Variants in COBLL1 observed in about 807,000 individuals in gnomAD.
COBLL1 encodes cordon-bleu protein-like 1.
A neutral mutation model predicts 94.8 loss-of-function variants in COBLL1; 50 were observed. That is an observed-to-expected ratio of 0.53 (90% CI 0.42 to 0.67). The LOEUF (loss-of-function observed/expected upper bound fraction) is 0.67. COBLL1 is among the 30% of genes least tolerant of loss of function. The pLI, the probability that COBLL1 is intolerant of heterozygous loss-of-function variation, is 0.00. For synonymous variants in COBLL1, 448 were observed against 473.8 expected (o/e 0.95, Z 0.71); for missense variants, 1,362 against 1,348.7 (o/e 1.01, Z -0.15).
At chr2:164,738,532 T>C (rs1686429807) in intron 3 of COBLL1, among the ~76,000 whole-genome samples, 1 of 152,150 alleles carries the variant, frequency 6.6e-6, no homozygotes, top group Non-Finnish European at 1.5e-5. Context: ...AAGTATAGCA[T>C]TTTCTGAGAA....
chr2:164,794,450 T>C (rs1341720397), intron 2 of COBLL1, among the ~76,000 whole-genome samples: 2 of 152,040 alleles, frequency 1.3e-5, no homozygotes, highest in Non-Finnish European at 2.9e-5. Flanking sequence ...TTCAGGTTAT[T>C]GCAGAGGGGA....
intron 2 of COBLL1, among the ~76,000 whole-genome samples, chr2:164,817,773 G>A (rs556302321): frequency 6.6e-6 from 1 of 152,222 alleles, no homozygotes. Context: ...GCCACCTGGT[G>A]GCTTCCACAG....
intron 2 of COBLL1, among the ~76,000 whole-genome samples, chr2:164,784,878 G>A (rs1251215556): frequency 6.6e-6 from 1 of 152,008 alleles, no homozygotes; most frequent in Non-Finnish European, 1.5e-5. Context: ...GTTTGACTGT[G>A]TCCTCCCTTT....
At chr2:164,833,347 C>T (rs887869587) in intron 2 of COBLL1, among the ~76,000 whole-genome samples, 1 of 152,178 alleles carries the variant, frequency 6.6e-6, no homozygotes, top group Admixed American at 6.5e-5. Context: ...GAGCAAGACC[C>T]TGTCTCAAAA....
At chr2:164,697,775 T>C (rs554859559) in intron 11 of COBLL1, 41 of 152,204 alleles carry the variant, frequency 2.7e-4, no homozygotes, top group African/African-American at 8.9e-4. Flanking sequence ...TTTCCAGTGA[T>C]TGGCAGTCCT....
At chr2:164,806,660 A>G (rs1559035203) in intron 2 of COBLL1, among the ~76,000 whole-genome samples, 1 of 152,052 alleles carries the variant, frequency 6.6e-6, no homozygotes, top group East Asian at 1.9e-4. Context: ...TCATTCTATT[A>G]TTGATAGATC....
intron 2 of COBLL1, among the ~76,000 whole-genome samples, chr2:164,756,241 A>G (rs936908741): frequency 2.0e-5 from 3 of 152,158 alleles, no homozygotes; most frequent in Non-Finnish European, 4.4e-5. Context: ...CTAAGCAGAT[A>G]TGTACTCCAG....
At position 164,796,803 on chromosome 2, in the gene COBLL1, C is replaced by A. The variant is rs138328677; in HGVS notation, c.41+44353G>T. 4.0e-4 allele frequency among the ~76,000 whole-genome samples: 60 copies of A among 150,990 alleles called. 1 individual carries two copies. The highest frequency in any genetic ancestry group is 1.4e-3 in the African/African-American group (57 of 41,200). On this transcript the variant is annotated intron_variant, in intron 2 of 13. Coordinates refer to ENST00000652658, the MANE Select transcript of COBLL1 (RefSeq NM_001365672.2). ...AGCCTGGGCAACATATTAAGACTCT[C>A]ATCTCTACAAAATATTTAAAAATCA... is the stretch of plus-strand genomic sequence containing the variant.
chr2:164,680,692 C>T lies in COBLL1; in HGVS notation c.*5254G>A, dbSNP rs985444816. ...ATACAGGATGCCTAGTTAGCTTGAA[C>T]GTCAGATAAACAATATAAAAATATA... is the stretch of plus-strand genomic sequence containing the variant. On this transcript the variant is annotated 3_prime_UTR_variant, in exon 14 of 14. Coordinates refer to ENST00000652658, the MANE Select transcript of COBLL1 (RefSeq NM_001365672.2). 8 of 152,004 alleles carry T rather than the reference C, an allele frequency of 5.3e-5. No individual in the cohort carries two copies. Among genetic ancestry groups the T allele is most frequent in the African/African-American group, 1.2e-4 (5 of 41,390 alleles). The allele number at this position is 152,004 out of a possible 1,614,324, so 9.4% of individuals were successfully genotyped here.
intron 2 of COBLL1, among the ~76,000 whole-genome samples, chr2:164,818,963 G>A (rs1685027114): frequency 6.6e-6 from 1 of 151,402 alleles, no homozygotes; most frequent in African/African-American, 2.4e-5. Context: ...TAGAGACAGT[G>A]TTTCATCATG....
intron 7 of COBLL1, among the ~76,000 whole-genome samples, chr2:164,720,726 C>T (rs1685401853): frequency 6.6e-6 from 1 of 152,170 alleles, no homozygotes; most frequent in Admixed American, 6.5e-5. Flanking sequence ...GGCAAGCCAT[C>T]GTGTTCACAT....
chr2:164,833,851 C>T (rs759460042), intron 2 of COBLL1, among the ~76,000 whole-genome samples: 4 of 152,154 alleles, frequency 2.6e-5, no homozygotes, highest in Non-Finnish European at 4.4e-5. Context: ...AATTTATAAA[C>T]AGTATAGTGA....
chr2:164,721,029 A>G (rs1168621360), intron 7 of COBLL1, among the ~76,000 whole-genome samples: 1 of 152,254 alleles, frequency 6.6e-6, no homozygotes, highest in Non-Finnish European at 1.5e-5. Context: ...GAGGTTAAGC[A>G]TTTTCAAAAT....
chr2:164,780,347 C>T (rs1192418324), intron 2 of COBLL1, among the ~76,000 whole-genome samples: 3 of 152,138 alleles, frequency 2.0e-5, no homozygotes, highest in African/African-American at 7.2e-5. Context: ...TTGTAGTAAA[C>T]ATTTCTGGGA....
At chr2:164,705,151 T>C in intron 7 of COBLL1, 46 bp from the exon 8 acceptor site, 3 of 1,431,736 alleles carry the variant, frequency 2.1e-6, no homozygotes, top group South Asian at 1.5e-5. Flanking sequence ...TAGAAATCAG[T>C]AGCAAACTTT....
At chr2:164,746,933 G>A (rs1686887592) in intron 2 of COBLL1, among the ~76,000 whole-genome samples, 2 of 152,058 alleles carry the variant, frequency 1.3e-5, no homozygotes, top group Admixed American at 1.3e-4. Context: ...ACATACTTAT[G>A]TCTCCTTCTG....
intron 3 of COBLL1, among the ~76,000 whole-genome samples, chr2:164,737,695 T>C (rs1686380684): frequency 6.6e-6 from 1 of 152,212 alleles, no homozygotes; most frequent in Non-Finnish European, 1.5e-5. Context: ...CAGAAATTTT[T>C]CTAGATCCAT....
intron 2 of COBLL1, among the ~76,000 whole-genome samples, chr2:164,747,198 TA>T (rs372805420): frequency 5.3e-5 from 8 of 151,714 alleles, no homozygotes; most frequent in Admixed American, 1.3e-4. Context: ...ATTTTTTTTT[TA>T]AAATTAACTG....
intron 2 of COBLL1, among the ~76,000 whole-genome samples, chr2:164,827,351 T>A (rs1306220786): frequency 1.3e-5 from 2 of 152,206 alleles, no homozygotes; most frequent in East Asian, 3.9e-4. Flanking sequence ...TTTATTTTTT[T>A]AAAAAGGACA....
Sources: allele counts gnomAD v4.1 joint callset (sites outside exome capture counted in the v4.1 genomes callset), GRCh38; gene constraint gnomAD v4.1.1; transcripts MANE v1.5; gene names NCBI Gene and HGNC (gene_info 2026-07-23, HGNC 2026-07-21).